ABCG2: variants seen among roughly 807,000 people sequenced by gnomAD.
ABCG2 encodes the protein ATP binding cassette subfamily G member 2 (JR blood group), also known as broad substrate specificity ATP-binding cassette transporter ABCG2.
A neutral mutation model predicts 73.5 loss-of-function variants in ABCG2; 80 were observed. The ratio of observed to expected loss-of-function variants is 1.09; its 90% CI spans 0.91 to 1.31. The LOEUF is 1.31. Ranked by LOEUF, ABCG2 falls within the 50% of genes most tolerant of loss-of-function variation. The probability of loss-of-function intolerance (pLI) is 0.00; values close to 1 mark genes in which losing one functional copy is unlikely to be tolerated. For synonymous variants in ABCG2, 269 were observed against 282.4 expected (o/e 0.95, Z 0.48); for missense variants, 796 against 786.2 (o/e 1.01, Z -0.15).
chr4:88,143,841 A>G (rs1725795913), intron 1 of ABCG2, among the ~76,000 whole-genome samples: 1 of 152,184 alleles, frequency 6.6e-6, no homozygotes, highest in African/African-American at 2.4e-5. Flanking sequence ...ATGGAGCAAT[A>G]CACTTACTCT....
intron 5 of ABCG2, among the ~76,000 whole-genome samples, chr4:88,128,796 A>G (rs1724618903): frequency 6.6e-6 from 1 of 152,202 alleles, no homozygotes; most frequent in Admixed American, 6.5e-5. Flanking sequence ...GGGATGGGAT[A>G]GCATTAGGAG....
intron 1 of ABCG2, among the ~76,000 whole-genome samples, chr4:88,170,423 C>G (rs1436402373): frequency 1.3e-5 from 2 of 152,200 alleles, no homozygotes; most frequent in Non-Finnish European, 2.9e-5. Context: ...TCTTCCCAGC[C>G]GGAGATGACT....
chr4:88,114,841 A>G (rs1723415784), intron 8 of ABCG2, 116 bp downstream of exon 8: 2 of 629,646 alleles, frequency 3.2e-6, no homozygotes, highest in Non-Finnish European at 5.6e-6. Context: ...GTTGACTGGT[A>G]TCAGAAGACT....
chr4:88,175,675 A>G (rs951038727), intron 1 of ABCG2, among the ~76,000 whole-genome samples: 1 of 152,220 alleles, frequency 6.6e-6, no homozygotes, highest in African/African-American at 2.4e-5. Context: ...GATTCCCAAA[A>G]TATCTTGGCC....
At chr4:88,228,839 G>A (rs1050127267) in intron 1 of ABCG2, among the ~76,000 whole-genome samples, 6 of 141,832 alleles carry the variant, frequency 4.2e-5, no homozygotes, top group South Asian at 2.2e-4. Context: ...ACCAATCAGC[G>A]CTCTGTGTCT....
intron 1 of ABCG2, among the ~76,000 whole-genome samples, chr4:88,185,246 C>A (rs1728405122): frequency 1.3e-5 from 2 of 152,138 alleles, no homozygotes; most frequent in Non-Finnish European, 2.9e-5. Flanking sequence ...CACCTGTAAT[C>A]CCAGCTACTC....
chr4:88,229,025 G>A (rs1032735039), intron 1 of ABCG2, among the ~76,000 whole-genome samples: 7 of 152,308 alleles, frequency 4.6e-5, no homozygotes, highest in Non-Finnish European at 1.0e-4. Flanking sequence ...GGGAATAAAA[G>A]CTGGCCACCC....
At chr4:88,215,515 T>C (rs116574100) in intron 1 of ABCG2, among the ~76,000 whole-genome samples, 79 of 152,350 alleles carry the variant, frequency 5.2e-4, no homozygotes, top group African/African-American at 1.9e-3. Context: ...GGAAATGCAC[T>C]AGTGAGTCAG....
At chr4:88,219,998 T>A (rs1729958440) in intron 1 of ABCG2, among the ~76,000 whole-genome samples, 1 of 152,174 alleles carries the variant, frequency 6.6e-6, no homozygotes, top group Non-Finnish European at 1.5e-5. Context: ...AAACAACTCT[T>A]CACTCCACCC....
intron 1 of ABCG2, among the ~76,000 whole-genome samples, chr4:88,197,978 C>T (rs1028129972): frequency 4.2e-5 from 6 of 142,200 alleles, no homozygotes; most frequent in South Asian, 2.3e-4. Context: ...TGCAGTGAGC[C>T]GAAATCGCAC....
intron 1 of ABCG2, among the ~76,000 whole-genome samples, chr4:88,210,218 CACAT>C (rs1729539960): frequency 7.5e-6 from 1 of 133,954 alleles, no homozygotes; most frequent in Non-Finnish European, 1.6e-5. Flanking sequence ...CACACACACA[CACAT>C]ATACATATAT....
chr4:88,092,459 A>C (rs1721701117), intron 15 of ABCG2, 78 bp from the exon 16 acceptor site: 1 of 1,443,136 alleles, frequency 6.9e-7, no homozygotes, highest in African/African-American at 1.4e-5. Flanking sequence ...ACTGTTCCTT[A>C]AAGGAGCCTA....
intron 2 of ABCG2, among the ~76,000 whole-genome samples, chr4:88,138,372 A>G (rs1408296639): frequency 1.3e-5 from 2 of 152,186 alleles, no homozygotes; most frequent in Non-Finnish European, 2.9e-5. Flanking sequence ...AAGAATCACA[A>G]CTTTTTAAAT....
intron 1 of ABCG2, among the ~76,000 whole-genome samples, chr4:88,214,973 T>C (rs907218613): frequency 1.3e-5 from 2 of 151,666 alleles, no homozygotes; most frequent in African/African-American, 4.8e-5. Flanking sequence ...ACACCTGTAG[T>C]CCCAGCTATA....
intron 7 of ABCG2, among the ~76,000 whole-genome samples, chr4:88,116,956 AG>A (rs1723620121): frequency 6.6e-6 from 1 of 152,164 alleles, no homozygotes; most frequent in Non-Finnish European, 1.5e-5. Context: ...GGCCCATCTA[AG>A]TCAGGTTTAG....
chr4:88,145,962 G>C (rs1490225901), intron 1 of ABCG2, among the ~76,000 whole-genome samples: 2 of 152,030 alleles, frequency 1.3e-5, no homozygotes, highest in Admixed American at 6.6e-5. Flanking sequence ...ACACTCTGCT[G>C]TGTGGAGAAC....
intron 3 of ABCG2, among the ~76,000 whole-genome samples, 194 bp from the exon 4 acceptor site, chr4:88,132,111 T>C (rs910516960): frequency 6.6e-6 from 1 of 152,164 alleles, no homozygotes; most frequent in South Asian, 2.1e-4. Flanking sequence ...TTCTCACCTT[T>C]CTCTTTTCAT....
At chr4:88,095,154 T>C (rs918690362) in intron 14 of ABCG2, among the ~76,000 whole-genome samples, 10 of 152,246 alleles carry the variant, frequency 6.6e-5, no homozygotes, top group African/African-American at 2.4e-4. Context: ...ATGCTTATTA[T>C]ATGGTCTTTG....
rs1311508772 is a variant in ABCG2, at chr4:88,095,608, A to G, written c.1649T>C (p.Ile550Thr). ...LMTICFVFMMIFSGLLVNLTT... is the reference protein window; with the variant it reads ...LMTICFVFMMTFSGLLVNLTT... ...GAGATTGACCAACAGACCTGAAAAAATCTACAAAAAGCAAATACTAAAAGT... is the reference window on the plus strand; with the variant it reads ...GAGATTGACCAACAGACCTGAAAAAGTCTACAAAAAGCAAATACTAAAAGT... Residue 550 changes from isoleucine (I) to threonine (T), a missense_variant and splice_region_variant, in exon 14 of 16, where the codon ATT becomes ACT. By Grantham distance (89) the Ile-to-Thr change is moderately conservative. Transcript: ENST00000237612. The G allele has an allele frequency of 3.7e-6, 6 of 1,613,424 alleles. No homozygotes were observed. The highest frequency in any genetic ancestry group is 1.1e-5 in the South Asian group (1 of 91,050).
Sources: allele counts gnomAD v4.1 joint callset (sites outside exome capture counted in the v4.1 genomes callset), GRCh38; gene constraint gnomAD v4.1.1; transcripts MANE v1.5; gene names NCBI Gene and HGNC (gene_info 2026-07-23, HGNC 2026-07-21).